Variants in SPAG16 observed in about 807,000 individuals in gnomAD.
SPAG16 encodes sperm associated antigen 16, also known as sperm-associated antigen 16 protein.
SPAG16 carries 86 observed loss-of-function variants against 80.4 expected under a neutral mutation model. The ratio of observed to expected loss-of-function variants is 1.07; its 90% CI spans 0.90 to 1.28. The LOEUF (loss-of-function observed/expected upper bound fraction) is 1.28. SPAG16 is among the 50% of genes most tolerant of loss of function. The probability of loss-of-function intolerance (pLI) is 0.00; values close to 1 mark genes in which losing one functional copy is unlikely to be tolerated. For missense variants in SPAG16, 870 were observed against 765.3 expected (o/e 1.14, Z -1.61); for synonymous variants, 294 against 265.9 (o/e 1.11, Z -1.03).
At chr2:214,315,681 G>A (rs763975607) in intron 15 of SPAG16, among the ~76,000 whole-genome samples, 3 of 151,992 alleles carry the variant, frequency 2.0e-5, no homozygotes, top group African/African-American at 4.8e-5. Flanking sequence ...ACAGGCGTGC[G>A]CCATCATGCC....
At chr2:213,540,732 A>G (rs2076416420) in intron 10 of SPAG16, among the ~76,000 whole-genome samples, 1 of 152,278 alleles carries the variant, frequency 6.6e-6, no homozygotes. Context: ...GTGAAATAGC[A>G]TATAATTATG....
chr2:213,449,895 G>A (rs1253982477), intron 9 of SPAG16, among the ~76,000 whole-genome samples: 1 of 152,106 alleles, frequency 6.6e-6, no homozygotes, highest in African/African-American at 2.4e-5. Flanking sequence ...AGTTTCCAGA[G>A]TTAATAATTT....
At chr2:213,610,424 C>A (rs2061405531) in intron 10 of SPAG16, among the ~76,000 whole-genome samples, 1 of 152,154 alleles carries the variant, frequency 6.6e-6, no homozygotes, top group Non-Finnish European at 1.5e-5. Context: ...TCTCCGAGGG[C>A]TGCTTTCTGT....
chr2:213,487,025 A>AAT (rs924587892), intron 9 of SPAG16, among the ~76,000 whole-genome samples: 12 of 151,510 alleles, frequency 7.9e-5, no homozygotes, highest in African/African-American at 1.7e-4. Context: ...TACAGAGAGA[A>AAT]ATATATATAT....
At chr2:213,495,926 T>G (rs1222154392) in intron 10 of SPAG16, among the ~76,000 whole-genome samples, 3 of 152,116 alleles carry the variant, frequency 2.0e-5, no homozygotes, top group Non-Finnish European at 4.4e-5. Flanking sequence ...TATAAAGTTA[T>G]GTACTTGGGG....
intron 15 of SPAG16, among the ~76,000 whole-genome samples, chr2:214,258,391 C>A (rs1413004918): frequency 6.6e-6 from 1 of 151,610 alleles, no homozygotes; most frequent in Non-Finnish European, 1.5e-5. Flanking sequence ...CCAACTCCAT[C>A]CAAGTTGCTG....
chr2:214,043,246 C>A (rs2049130697), intron 13 of SPAG16, among the ~76,000 whole-genome samples: 1 of 151,984 alleles, frequency 6.6e-6, no homozygotes, highest in Non-Finnish European at 1.5e-5. Context: ...TAGCCTATTT[C>A]ACATTTTCCA....
At chr2:213,301,132 G>A (rs2062725319) in intron 3 of SPAG16, among the ~76,000 whole-genome samples, 1 of 152,022 alleles carries the variant, frequency 6.6e-6, no homozygotes, top group African/African-American at 2.4e-5. Flanking sequence ...TAATGCTAAT[G>A]GATTAAATTC....
chr2:213,785,835 C>T (rs925237589), intron 10 of SPAG16, among the ~76,000 whole-genome samples: 3 of 151,934 alleles, frequency 2.0e-5, no homozygotes, highest in African/African-American at 4.8e-5. Flanking sequence ...GGTGAAACCC[C>T]GTCTCTACTA....
rs372549802 is a variant in SPAG16, at chr2:214,303,071, T to A, written c.1721-107069T>A. Among the ~76,000 whole-genome samples the A allele has an allele frequency of 5.3e-5, 8 of 152,366 alleles. No individual in the cohort carries two copies. In the East Asian group the frequency reaches 1.5e-3, roughly 29 times the overall value. On this transcript the variant is annotated intron_variant, in intron 15 of 15. Coordinates refer to ENST00000331683, the MANE Select transcript of SPAG16 (RefSeq NM_024532.5). ...TAGTTGGGTCTTTTGTTTTTTGTAA[T>A]TCAATTAGCCAGTCTATCTATCTTT...
At chr2:213,950,321 C>T (rs927846499) in intron 12 of SPAG16, among the ~76,000 whole-genome samples, 1 of 152,134 alleles carries the variant, frequency 6.6e-6, no homozygotes. Context: ...AAAAAAACCT[C>T]AAACTTTCAA....
At chr2:213,799,142 A>C (rs1293716342) in intron 10 of SPAG16, among the ~76,000 whole-genome samples, 1 of 152,168 alleles carries the variant, frequency 6.6e-6, no homozygotes. Context: ...ATTCCATTGA[A>C]TCTATAGACC....
chr2:213,913,561 C>G (rs529027636), intron 11 of SPAG16, among the ~76,000 whole-genome samples: 68 of 122,966 alleles, frequency 5.5e-4, no homozygotes, highest in Non-Finnish European at 1.0e-3. Context: ...GTGTATCTCT[C>G]TGTGTGTGTA....
intron 3 of SPAG16, among the ~76,000 whole-genome samples, chr2:213,300,126 T>C (rs1323713939): frequency 6.6e-6 from 1 of 152,180 alleles, no homozygotes; most frequent in African/African-American, 2.4e-5. Flanking sequence ...AATTACGTAA[T>C]GACTTCTAAT....
chr2:214,277,819 G>T (rs1692587900), intron 15 of SPAG16, among the ~76,000 whole-genome samples: 1 of 152,184 alleles, frequency 6.6e-6, no homozygotes, highest in African/African-American at 2.4e-5. Context: ...CGCTGTGCTG[G>T]AAGAACCACT....
At chr2:213,430,425 C>T (rs2070219353) in intron 9 of SPAG16, among the ~76,000 whole-genome samples, 1 of 152,166 alleles carries the variant, frequency 6.6e-6, no homozygotes, top group South Asian at 2.1e-4. Flanking sequence ...TGTGGCCCAA[C>T]ACAAATTCGT....
intron 10 of SPAG16, among the ~76,000 whole-genome samples, chr2:213,594,586 G>GC (rs960803946): frequency 6.6e-6 from 1 of 151,988 alleles, no homozygotes; most frequent in African/African-American, 2.4e-5. Flanking sequence ...AAATATCATT[G>GC]CCCCCTGAAA....
chr2:213,522,191 G>A (rs1183948129), intron 10 of SPAG16, among the ~76,000 whole-genome samples: 1 of 152,218 alleles, frequency 6.6e-6, no homozygotes, highest in Non-Finnish European at 1.5e-5. Context: ...AATAGGAGGA[G>A]ATGGGGGCCT....
intron 12 of SPAG16, among the ~76,000 whole-genome samples, chr2:213,930,923 G>T (rs573693192): frequency 6.6e-6 from 1 of 152,214 alleles, no homozygotes; most frequent in African/African-American, 2.4e-5. Context: ...TCCACCAGAG[G>T]AACACCCATA....
Sources: allele counts gnomAD v4.1 joint callset (sites outside exome capture counted in the v4.1 genomes callset), GRCh38; gene constraint gnomAD v4.1.1; transcripts MANE v1.5; gene names NCBI Gene and HGNC (gene_info 2026-07-23, HGNC 2026-07-21).